COL26A1: variants seen among roughly 807,000 people sequenced by gnomAD.
COL26A1 encodes collagen alpha-1(XXVI) chain.
Under a neutral mutation model 59.3 loss-of-function variants are expected in COL26A1, and 41 were observed. The ratio of observed to expected loss-of-function variants is 0.69; its 90% CI spans 0.54 to 0.90. The LOEUF is 0.90. Ranked by LOEUF, COL26A1 falls within the 40% of genes least tolerant of loss-of-function variation. The pLI, the probability that COL26A1 is intolerant of heterozygous loss-of-function variation, is 0.00. For missense variants in COL26A1, 612 were observed against 602.3 expected (o/e 1.02, Z -0.17); for synonymous variants, 266 against 256.0 (o/e 1.04, Z -0.37).
chr7:101,377,572 A>T (rs557418961), intron 1 of COL26A1, among the ~76,000 whole-genome samples: 6 of 152,176 alleles, frequency 3.9e-5, no homozygotes, highest in African/African-American at 1.4e-4. Context: ...AACTATAGGC[A>T]TGCACTACCA....
chr7:101,556,253 G>A (rs1392856338), intron 12 of COL26A1, among the ~76,000 whole-genome samples: 1 of 152,198 alleles, frequency 6.6e-6, no homozygotes, highest in Non-Finnish European at 1.5e-5. Flanking sequence ...TTGTCCCTAT[G>A]GTGACATAGG....
chr7:101,479,154 C>T (rs539804184), intron 3 of COL26A1, among the ~76,000 whole-genome samples: 1 of 152,200 alleles, frequency 6.6e-6, no homozygotes, highest in Non-Finnish European at 1.5e-5. Flanking sequence ...GTCAATTGCT[C>T]TCCAAACTCA....
rs913199489 is a variant in COL26A1 at position 101,550,969 on chromosome 7, C to T, written c.994-139C>T. On this transcript the variant is annotated intron_variant, in intron 9 of 12. Coordinates refer to ENST00000313669, the MANE Select transcript of COL26A1 (RefSeq NM_001278563.3). ...TGGAGGCCTTTGAGTCTGCCCTTCCCGTGCCGGCCGGGCCATCCTCCTCTC... is the reference window on the plus strand; with the variant it reads ...TGGAGGCCTTTGAGTCTGCCCTTCCTGTGCCGGCCGGGCCATCCTCCTCTC... The T allele has an allele frequency of 7.6e-5, 71 of 939,538 alleles. No individual in the cohort carries two copies. In the Admixed American group the frequency reaches 1.2e-3, roughly 16 times the overall value. The allele number at this position is 939,538 out of a possible 1,614,324, so 58.2% of individuals were successfully genotyped here.
At chr7:101,516,784 A>C (rs1795037469) in intron 3 of COL26A1, among the ~76,000 whole-genome samples, 1 of 152,158 alleles carries the variant, frequency 6.6e-6, no homozygotes, top group South Asian at 2.1e-4. Context: ...ACTAGGCCTT[A>C]AGCTATTAGG....
At position 101,489,840 on chromosome 7, in the gene COL26A1, T is replaced by C. The variant is rs1167482943; in HGVS notation, c.385+42053T>C. ...TTTCTTTCTTTCTTTCTTTCTTTCT[T>C]TCTTTCTTTCTTTCTTTCTTTCTTT... On this transcript the variant is annotated intron_variant, in intron 3 of 12. Coordinates refer to ENST00000313669, the MANE Select transcript of COL26A1 (RefSeq NM_001278563.3). 1.0e-3 allele frequency among the ~76,000 whole-genome samples: 21 copies of C among 20,568 alleles called. 2 individuals carry two copies. The highest frequency in any genetic ancestry group is 6.0e-3 in the East Asian group (5 of 836). 13.5% of individuals were successfully genotyped at this position (20,568 alleles called of 152,430 possible). A position where few individuals can be genotyped will look rare whatever the true frequency, so the allele number is the denominator to read the frequency against.
At chr7:101,541,774 T>G (rs557003931) in intron 5 of COL26A1, among the ~76,000 whole-genome samples, 1 of 152,242 alleles carries the variant, frequency 6.6e-6, no homozygotes, top group East Asian at 1.9e-4. Context: ...TAATCATAGT[T>G]GCAATCGATG....
intron 3 of COL26A1, among the ~76,000 whole-genome samples, chr7:101,519,834 T>A (rs191307929): frequency 1.3e-5 from 2 of 152,170 alleles, no homozygotes; most frequent in African/African-American, 2.4e-5. Flanking sequence ...AGGAGCTGAG[T>A]TTTGCTTGCT....
At chr7:101,463,873 C>CT (rs1463673953) in intron 3 of COL26A1, among the ~76,000 whole-genome samples, 6 of 72,316 alleles carry the variant, frequency 8.3e-5, no homozygotes, top group African/African-American at 4.5e-4. Flanking sequence ...TTTTTCTTTT[C>CT]TTTCTTTCTT....
intron 1 of COL26A1, among the ~76,000 whole-genome samples, chr7:101,400,900 C>T (rs756569732): frequency 2.0e-5 from 3 of 152,068 alleles, no homozygotes; most frequent in African/African-American, 4.8e-5. Flanking sequence ...CAGTAAATAC[C>T]ACTGATGTGG....
intron 3 of COL26A1, among the ~76,000 whole-genome samples, chr7:101,486,323 T>TC (rs917104046): frequency 6.6e-6 from 1 of 151,946 alleles, no homozygotes; most frequent in Non-Finnish European, 1.5e-5. Context: ...TCATTCCACG[T>TC]CCCCCCCAAC....
chr7:101,528,038 C>T (rs967963795), intron 3 of COL26A1, among the ~76,000 whole-genome samples: 9 of 152,290 alleles, frequency 5.9e-5, no homozygotes, highest in African/African-American at 1.2e-4. Context: ...AAATCCCGTC[C>T]GGTTCTGGAG....
intron 3 of COL26A1, among the ~76,000 whole-genome samples, chr7:101,458,891 T>A (rs553459832): frequency 1.2e-4 from 18 of 150,672 alleles, no homozygotes; most frequent in African/African-American, 7.3e-5. Context: ...AGCCTTGAAC[T>A]CCTGGGCTCG....
chr7:101,541,636 G>C (rs535312629), intron 5 of COL26A1, among the ~76,000 whole-genome samples: 1 of 152,134 alleles, frequency 6.6e-6, no homozygotes, highest in South Asian at 2.1e-4. Context: ...ACAGGTGTGA[G>C]CCACCATGCT....
chr7:101,382,461 A>G (rs1300839172), intron 1 of COL26A1, among the ~76,000 whole-genome samples: 2 of 152,168 alleles, frequency 1.3e-5, no homozygotes, highest in East Asian at 1.9e-4. Context: ...CACTTTTATC[A>G]TATAATAAAT....
chr7:101,489,752 G>C (rs199714541), intron 3 of COL26A1, among the ~76,000 whole-genome samples: 5 of 25,384 alleles, frequency 2.0e-4, no homozygotes, highest in East Asian at 5.9e-4. Flanking sequence ...TTTCTTTCTT[G>C]TCTCTCTTTC....
chr7:101,548,031 G>A (rs1034287245), intron 8 of COL26A1, among the ~76,000 whole-genome samples: 1 of 152,214 alleles, frequency 6.6e-6, no homozygotes, highest in African/African-American at 2.4e-5. Context: ...GAGCTACAAG[G>A]GAGAAGCTGG....
chr7:101,494,148 G>GTTTTGTTTTGTTTTGTTTTGT (rs1794531182), intron 3 of COL26A1, among the ~76,000 whole-genome samples: 1 of 151,242 alleles, frequency 6.6e-6, no homozygotes, highest in Non-Finnish European at 1.5e-5. Flanking sequence ...GTTTTGTTTT[G>GTTTTGTTTTGTTTTGTTTTGT]TTTGAGACAG....
intron 2 of COL26A1, among the ~76,000 whole-genome samples, chr7:101,441,044 T>C (rs1793046574): frequency 6.6e-6 from 1 of 151,974 alleles, no homozygotes; most frequent in Non-Finnish European, 1.5e-5. Context: ...TGAGCTCAGT[T>C]TCTGAATCAG....
intron 4 of COL26A1, 75 bp from the exon 5 acceptor site, chr7:101,539,818 A>G (rs1218539226): frequency 7.0e-7 from 1 of 1,437,392 alleles, no homozygotes; most frequent in East Asian, 2.4e-5. Flanking sequence ...GTGCACATGC[A>G]TGTCCCTGTG....
Sources: gnomAD v4.1 joint callset for allele counts (sites outside exome capture counted in the v4.1 genomes callset) on GRCh38, gnomAD v4.1.1 for gene constraint, MANE v1.5 for transcripts, NCBI Gene and HGNC (gene_info 2026-07-23, HGNC 2026-07-21) for gene names.